DISC1: variants seen among roughly 807,000 people sequenced by gnomAD.
DISC1 encodes disrupted in schizophrenia 1 protein.
DISC1 carries 57 observed loss-of-function variants against 84.5 expected under a neutral mutation model. The ratio of observed to expected loss-of-function variants is 0.67; its 90% CI spans 0.55 to 0.84. The LOEUF is 0.84. Among genes scored for constraint, DISC1 ranks in the 40% least tolerant of loss-of-function variants. DISC1 has a pLI of 0.00. For synonymous variants in DISC1, 411 were observed against 415.2 expected (o/e 0.99, Z 0.12); for missense variants, 1,000 against 1,057.8 (o/e 0.95, Z 0.76).
intron 1 of DISC1, among the ~76,000 whole-genome samples, chr1:231,674,494 C>A (rs1445009558): frequency 1.3e-5 from 2 of 152,182 alleles, no homozygotes; most frequent in African/African-American, 2.4e-5. Context: ...AATGTATTTT[C>A]TAATGTCCTG....
intron 7 of DISC1, among the ~76,000 whole-genome samples, chr1:231,795,956 G>A (rs1259156073): frequency 6.6e-6 from 1 of 152,158 alleles, no homozygotes; most frequent in Non-Finnish European, 1.5e-5. Context: ...TCCCAGGAGG[G>A]CAATGTCTGG....
chr1:231,886,557 T>C (rs1436079519), intron 9 of DISC1, among the ~76,000 whole-genome samples: 1 of 152,222 alleles, frequency 6.6e-6, no homozygotes, highest in Non-Finnish European at 1.5e-5. Flanking sequence ...TCTACAGACA[T>C]GTGTCTTATG....
intron 10 of DISC1, among the ~76,000 whole-genome samples, chr1:231,991,084 A>G (rs1393824635): frequency 2.0e-5 from 3 of 152,218 alleles, no homozygotes; most frequent in Non-Finnish European, 4.4e-5. Flanking sequence ...GTTTGGGGAC[A>G]TTTCTATGTT....
chr1:231,652,186 G>A (rs2060684456), intron 1 of DISC1, among the ~76,000 whole-genome samples: 1 of 152,190 alleles, frequency 6.6e-6, no homozygotes, highest in South Asian at 2.1e-4. Flanking sequence ...GCTGGGAGCT[G>A]CAGACCAGAG....
intron 6 of DISC1, chr1:231,771,509 T>C (rs1012886483): frequency 1.0e-6 from 1 of 985,314 alleles, no homozygotes; most frequent in South Asian, 4.7e-5. Context: ...TCTGGAAGAA[T>C]GGATTGTTAC....
At chr1:231,705,595 C>T (rs1187753892) in intron 3 of DISC1, among the ~76,000 whole-genome samples, 1 of 152,096 alleles carries the variant, frequency 6.6e-6, no homozygotes, top group Non-Finnish European at 1.5e-5. Flanking sequence ...GGGCTCAGTA[C>T]TTGGACTTGT....
At chr1:231,878,542 CA>C (rs1330356595) in intron 9 of DISC1, among the ~76,000 whole-genome samples, 1 of 148,272 alleles carries the variant, frequency 6.7e-6, no homozygotes, top group African/African-American at 2.6e-5. Context: ...AGGCAGGAAC[CA>C]GACTAAGCAG....
intron 1 of DISC1, among the ~76,000 whole-genome samples, chr1:231,641,921 C>T (rs1042267713): frequency 6.6e-6 from 1 of 152,238 alleles, no homozygotes; most frequent in Non-Finnish European, 1.5e-5. Context: ...ACAGGTGGAG[C>T]TGCCTGCCAG....
chr1:231,850,676 G>A (rs2083828978), intron 9 of DISC1, among the ~76,000 whole-genome samples: 2 of 152,164 alleles, frequency 1.3e-5, no homozygotes, highest in East Asian at 1.9e-4. Context: ...GAAGAAAAGT[G>A]GAAAAGAAGA....
At chr1:231,699,806 T>A (rs2124862830) in intron 2 of DISC1, among the ~76,000 whole-genome samples, 1 of 152,326 alleles carries the variant, frequency 6.6e-6, no homozygotes, top group East Asian at 1.9e-4. Context: ...GGTCTTCATG[T>A]CTCTTCTTGA....
chr1:231,639,116 G>A (rs904304176), intron 1 of DISC1, among the ~76,000 whole-genome samples: 1 of 152,076 alleles, frequency 6.6e-6, no homozygotes, highest in African/African-American at 2.4e-5. Flanking sequence ...CACAGGGAGA[G>A]GATTAGGTAA....
intron 9 of DISC1, among the ~76,000 whole-genome samples, chr1:231,955,216 ACTTC>A (rs1451112646): frequency 6.6e-6 from 1 of 152,178 alleles, no homozygotes; most frequent in Non-Finnish European, 1.5e-5. Context: ...AGTTACTCCC[ACTTC>A]CTTAGTGATA....
At position 232,036,753 on chromosome 1, in the gene DISC1, C is replaced by G. The variant is rs369926020; in HGVS notation, c.2487C>G (p.Leu829=). The part of the protein sequence containing the change: ...KETLQAMILQ[L]QPAKEAGERE... ...CTCTGCAGGCCATGATCCTGCAGCT[C>G]CAGCCAGCAAAGGAGGCGGGAGAAA... Residue 829 remains leucine (L), a synonymous_variant, in exon 13 of 13, where the codon CTC becomes CTG. Transcript: ENST00000439617. 3 of 1,607,914 alleles carry G rather than the reference C, an allele frequency of 1.9e-6. No individual in the cohort carries two copies. Among genetic ancestry groups the G allele is most frequent in the Non-Finnish European group, 2.6e-6 (3 of 1,175,888 alleles).
At chr1:232,010,805 C>A (rs1359508451) in intron 11 of DISC1, among the ~76,000 whole-genome samples, 1 of 152,066 alleles carries the variant, frequency 6.6e-6, no homozygotes, top group Non-Finnish European at 1.5e-5. Context: ...CTTAGCAAGG[C>A]CTGTTTGCTC....
At chr1:231,714,214 T>C (rs1432070876) in intron 3 of DISC1, among the ~76,000 whole-genome samples, 1 of 152,158 alleles carries the variant, frequency 6.6e-6, no homozygotes, top group African/African-American at 2.4e-5. Context: ...CATTAAAACA[T>C]GTAAAATAGA....
chr1:231,697,393 G>A (rs550936596), intron 2 of DISC1, among the ~76,000 whole-genome samples: 1 of 152,084 alleles, frequency 6.6e-6, no homozygotes, highest in African/African-American at 2.4e-5. Context: ...GCTAAAATTT[G>A]TTGTTAACTC....
chr1:232,026,422 C>G lies in DISC1; in HGVS notation c.2308-13C>G. On this transcript the variant is annotated splice_polypyrimidine_tract_variant and intron_variant, in intron 11 of 12. Coordinates refer to ENST00000439617, the MANE Select transcript of DISC1 (RefSeq NM_018662.3). ...GGCACTAACAAGTGATCTTGTTTTC[C>G]CCCTCTCGCCAGGAATCTTACATCC... 1 of 1,563,096 alleles carries G rather than the reference C, an allele frequency of 6.4e-7. No homozygotes were observed. Among genetic ancestry groups the G allele is most frequent in the Non-Finnish European group, 8.7e-7 (1 of 1,145,150 alleles).
chr1:231,950,813 G>A (rs900319362), intron 9 of DISC1, among the ~76,000 whole-genome samples: 4 of 152,148 alleles, frequency 2.6e-5, no homozygotes, highest in African/African-American at 9.7e-5. Context: ...TTTAAACCTG[G>A]TGGAGCTTCC....
At chr1:231,812,604 C>G (rs1179808953) in intron 8 of DISC1, among the ~76,000 whole-genome samples, 2 of 152,128 alleles carry the variant, frequency 1.3e-5, no homozygotes, top group Non-Finnish European at 2.9e-5. Flanking sequence ...TATGAGAATA[C>G]CCAGGTTTCA....
Sources: allele counts gnomAD v4.1 joint callset (sites outside exome capture counted in the v4.1 genomes callset), GRCh38; gene constraint gnomAD v4.1.1; transcripts MANE v1.5; gene names NCBI Gene and HGNC (gene_info 2026-07-23, HGNC 2026-07-21).